GSK3B: variants seen among roughly 807,000 people sequenced by gnomAD.
The protein encoded by GSK3B is glycogen synthase kinase 3 beta.
GSK3B carries 15 observed loss-of-function variants against 56.4 expected under a neutral mutation model. The observed-to-expected ratio is 0.27, with a 90% CI of 0.18 to 0.41. GSK3B has a LOEUF of 0.41. GSK3B is among the 10% of genes least tolerant of loss of function. GSK3B has a pLI of 1.00. For missense variants in GSK3B, 300 were observed against 513.4 expected (o/e 0.58, Z 4.02); for synonymous variants, 181 against 188.9 (o/e 0.96, Z 0.34).
intron 1 of GSK3B, among the ~76,000 whole-genome samples, chr3:120,048,721 A>G (rs2058123684): frequency 6.6e-6 from 1 of 152,220 alleles, no homozygotes; most frequent in African/African-American, 2.4e-5. Flanking sequence ...CAAACAGGCA[A>G]ATTAATCCAG....
intron 1 of GSK3B, among the ~76,000 whole-genome samples, chr3:120,034,959 G>A (rs563547535): frequency 1.9e-4 from 29 of 152,228 alleles, no homozygotes; most frequent in African/African-American, 6.3e-4. Context: ...TAGGCGTGGT[G>A]GCAGGCACCT....
chr3:119,998,910 T>C (rs889476122), intron 2 of GSK3B, among the ~76,000 whole-genome samples: 2 of 152,264 alleles, frequency 1.3e-5, no homozygotes, highest in Non-Finnish European at 2.9e-5. Flanking sequence ...ATTACTCATA[T>C]TCAAATAACG....
At chr3:119,946,039 T>C (rs1389500920) in intron 3 of GSK3B, among the ~76,000 whole-genome samples, 1 of 151,036 alleles carries the variant, frequency 6.6e-6, no homozygotes, top group Non-Finnish European at 1.5e-5. Context: ...CTCTAATACT[T>C]ATGAGGGTTC....
chr3:120,047,951 G>A (rs898940091), intron 1 of GSK3B, among the ~76,000 whole-genome samples: 1 of 152,140 alleles, frequency 6.6e-6, no homozygotes, highest in South Asian at 2.1e-4. Flanking sequence ...TTTTAAGCCT[G>A]TTAAAAGCAA....
intron 3 of GSK3B, among the ~76,000 whole-genome samples, chr3:119,943,551 T>G (rs2057070629): frequency 6.6e-6 from 1 of 152,110 alleles, no homozygotes. Flanking sequence ...TTGTTTTCCT[T>G]AACATTTTCC....
intron 3 of GSK3B, among the ~76,000 whole-genome samples, chr3:119,944,586 A>C (rs373861682): frequency 2.0e-5 from 3 of 152,226 alleles, no homozygotes; most frequent in South Asian, 2.1e-4. Context: ...TCCTGGCCTC[A>C]AACAGCACTC....
At chr3:120,001,018 G>A (rs150062457) in intron 2 of GSK3B, among the ~76,000 whole-genome samples, 390 of 144,630 alleles carry the variant, frequency 2.7e-3, no homozygotes, top group African/African-American at 8.8e-3. Context: ...TCTGCCTCCC[G>A]GGTTCACGCC....
intron 2 of GSK3B, among the ~76,000 whole-genome samples, chr3:119,979,491 C>T (rs532624417): frequency 1.1e-3 from 170 of 152,250 alleles, no homozygotes; most frequent in Non-Finnish European, 2.0e-3. Flanking sequence ...TCCTCCTCCA[C>T]CTGTTACCCA....
At chr3:119,827,608 A>AAAAAAAAAAAAAAAAT (rs1553721502) in intron 10 of GSK3B, among the ~76,000 whole-genome samples, 1 of 94,628 alleles carries the variant, frequency 1.1e-5, no homozygotes, top group Non-Finnish European at 2.1e-5. Context: ...AAAAAAAAAA[A>AAAAAAAAAAAAAAAAT]AGAGAGAGAG....
intron 1 of GSK3B, among the ~76,000 whole-genome samples, chr3:120,048,751 CT>C (rs1233025242): frequency 6.6e-6 from 1 of 152,294 alleles, no homozygotes; most frequent in East Asian, 1.9e-4. Flanking sequence ...GGTATGGATC[CT>C]AACAGCTAAT....
intron 7 of GSK3B, among the ~76,000 whole-genome samples, chr3:119,879,092 T>A (rs970549151): frequency 6.6e-5 from 10 of 152,220 alleles, no homozygotes; most frequent in African/African-American, 9.6e-5. Context: ...GTGGAATATA[T>A]GAGACACTCT....
At chr3:119,925,989 G>T (rs753408509) in intron 3 of GSK3B, among the ~76,000 whole-genome samples, 1 of 151,952 alleles carries the variant, frequency 6.6e-6, no homozygotes, top group Non-Finnish European at 1.5e-5. Context: ...TCACTTCATA[G>T]GACACTATAC....
intron 4 of GSK3B, among the ~76,000 whole-genome samples, chr3:119,917,341 C>T (rs1246436121): frequency 3.3e-5 from 5 of 152,040 alleles, no homozygotes; most frequent in Non-Finnish European, 7.4e-5. Context: ...TTTATGTTTT[C>T]TTTAAAATGA....
chr3:120,072,974 T>A (rs927671789), intron 1 of GSK3B, among the ~76,000 whole-genome samples: 1 of 152,066 alleles, frequency 6.6e-6, no homozygotes, highest in Non-Finnish European at 1.5e-5. Context: ...GACAGTAAAG[T>A]AGTTAAGAAT....
chr3:120,039,009 T>A (rs904065337), intron 1 of GSK3B, among the ~76,000 whole-genome samples: 3 of 151,998 alleles, frequency 2.0e-5, no homozygotes, highest in Non-Finnish European at 2.9e-5. Context: ...ATAAAACAAA[T>A]GAATTAAAAA....
chr3:119,970,872 A>T (rs2057360756), intron 2 of GSK3B, among the ~76,000 whole-genome samples: 1 of 152,118 alleles, frequency 6.6e-6, no homozygotes, highest in African/African-American at 2.4e-5. Context: ...CATGAAAACT[A>T]TTTCTGTAAA....
chr3:119,841,268 A>C (rs1022289179), intron 10 of GSK3B, among the ~76,000 whole-genome samples: 3 of 152,230 alleles, frequency 2.0e-5, no homozygotes, highest in South Asian at 2.1e-4. Context: ...AAATCAGGTT[A>C]TACTAGGCTC....
At chr3:119,982,038 T>C (rs1280859895) in intron 2 of GSK3B, among the ~76,000 whole-genome samples, 1 of 152,226 alleles carries the variant, frequency 6.6e-6, no homozygotes, top group African/African-American at 2.4e-5. Flanking sequence ...CAGTATTTGT[T>C]GTTCTGCAGC....
rs936439766 is a variant in GSK3B at position 119,943,160 on chromosome 3, AAAG to A, written c.366+4105_366+4107del. On this transcript the variant is annotated intron_variant, in intron 3 of 10. Transcript: ENST00000264235. ...AAATGCAAAAGGCAGAATACAATAA[AAAG>A]AAGGTTACCAAAATAGACATATCAT... Among the ~76,000 whole-genome samples the A allele has an allele frequency of 9.2e-5, 14 of 152,310 alleles. No individual in the cohort carries two copies. In the East Asian group the frequency reaches 2.5e-3, roughly 27 times the overall value.
Sources: allele counts gnomAD v4.1 joint callset (sites outside exome capture counted in the v4.1 genomes callset), GRCh38; gene constraint gnomAD v4.1.1; transcripts MANE v1.5; gene names NCBI Gene and HGNC (gene_info 2026-07-23, HGNC 2026-07-21).